The following SLIT3 variants were observed in gnomAD, a reference collection of about 807,000 sequenced individuals.
SLIT3 encodes slit guidance ligand 3, also known as slit homolog 3 protein.
A neutral mutation model predicts 184.0 loss-of-function variants in SLIT3; 68 were observed. The ratio of observed to expected loss-of-function variants is 0.37; its 90% CI spans 0.30 to 0.45. SLIT3 has a LOEUF of 0.45. Ranked by LOEUF, SLIT3 falls within the 20% of genes least tolerant of loss-of-function variation. The pLI, the probability that SLIT3 is intolerant of heterozygous loss-of-function variation, is 1.00. For synonymous variants in SLIT3, 831 were observed against 828.6 expected (o/e 1.00, Z -0.05); for missense variants, 1,707 against 2,026.0 (o/e 0.84, Z 3.02).
intron 4 of SLIT3, among the ~76,000 whole-genome samples, chr5:168,961,666 G>A (rs957943423): frequency 2.0e-5 from 3 of 152,158 alleles, no homozygotes; most frequent in African/African-American, 7.2e-5. Flanking sequence ...ATGTGCAAAG[G>A]CTCTGTGGTG....
At chr5:168,862,688 T>C (rs1253662298) in intron 5 of SLIT3, among the ~76,000 whole-genome samples, 2 of 151,570 alleles carry the variant, frequency 1.3e-5, no homozygotes, top group South Asian at 4.1e-4. Context: ...GTTTTTTTTT[T>C]TGTGAGATGG....
In SLIT3 at chr5:169,295,241, A is replaced by G. The variant is rs1356120220; in HGVS notation, c.197+5272T>C. 2.0e-5 allele frequency among the ~76,000 whole-genome samples: 3 copies of G among 152,360 alleles called. No individual in the cohort carries two copies. In the East Asian group the frequency reaches 5.8e-4, roughly 29 times the overall value. ...TCTATGTTGTCCACTGTTGACCAGA[A>G]TGTCATTTTAGGTAACACATGACTG... On this transcript the variant is annotated intron_variant, in intron 1 of 35. Coordinates refer to ENST00000519560, the MANE Select transcript of SLIT3 (RefSeq NM_003062.4).
intron 1 of SLIT3, among the ~76,000 whole-genome samples, chr5:169,255,018 G>A (rs945393268): frequency 2.0e-5 from 3 of 152,122 alleles, no homozygotes; most frequent in African/African-American, 7.2e-5. Flanking sequence ...AGATCATAAC[G>A]GAGCTGAAAA....
chr5:168,682,418 T>C (rs1219273486), intron 32 of SLIT3, among the ~76,000 whole-genome samples: 1 of 152,226 alleles, frequency 6.6e-6, no homozygotes, highest in East Asian at 1.9e-4. Flanking sequence ...CCTGGAAGGA[T>C]CTCTGAAGCA....
At chr5:169,062,113 G>A (rs1015822517) in intron 4 of SLIT3, among the ~76,000 whole-genome samples, 16 of 152,258 alleles carry the variant, frequency 1.1e-4, no homozygotes, top group African/African-American at 3.8e-4. Flanking sequence ...GAACCCAGGA[G>A]GCAGAGCTGG....
At chr5:169,051,512 C>A (rs1306126610) in intron 4 of SLIT3, among the ~76,000 whole-genome samples, 1 of 151,988 alleles carries the variant, frequency 6.6e-6, no homozygotes, top group Non-Finnish European at 1.5e-5. Flanking sequence ...TGTTCAGGGG[C>A]CCAGGATAAT....
At chr5:168,686,562 G>C (rs912594660) in intron 30 of SLIT3, among the ~76,000 whole-genome samples, 1 of 152,152 alleles carries the variant, frequency 6.6e-6, no homozygotes, top group Non-Finnish European at 1.5e-5. Flanking sequence ...TAGAATAGAG[G>C]TTACCACTGA....
chr5:168,754,053 G>A, intron 16 of SLIT3, 46 bp from the exon 17 acceptor site: 1 of 1,522,798 alleles, frequency 6.6e-7, no homozygotes, highest in Non-Finnish European at 8.8e-7. Context: ...GGAGCAGATG[G>A]TCTTGATGCC....
intron 1 of SLIT3, among the ~76,000 whole-genome samples, chr5:169,277,403 G>C (rs1766846354): frequency 6.6e-6 from 1 of 152,014 alleles, no homozygotes; most frequent in South Asian, 2.1e-4. Flanking sequence ...GCTAAGTTTT[G>C]TATTTTTTTA....
chr5:168,828,817 AT>A (rs1757788806), intron 6 of SLIT3, among the ~76,000 whole-genome samples: 2 of 152,202 alleles, frequency 1.3e-5, no homozygotes, highest in African/African-American at 4.8e-5. Flanking sequence ...GAGGAGTCTC[AT>A]GCAAGTTCGT....
chr5:168,752,186 C>A (rs1754740520), intron 18 of SLIT3, among the ~76,000 whole-genome samples: 1 of 152,314 alleles, frequency 6.6e-6, no homozygotes, highest in South Asian at 2.1e-4. Flanking sequence ...TTCAGCCTTG[C>A]CTTATGTCAT....
intron 32 of SLIT3, among the ~76,000 whole-genome samples, chr5:168,678,178 T>C (rs1050159256): frequency 6.6e-6 from 1 of 152,198 alleles, no homozygotes; most frequent in Non-Finnish European, 1.5e-5. Flanking sequence ...GGTCGCCTCT[T>C]CCTGGCAACT....
At chr5:168,752,387 G>C (rs77933568) in intron 18 of SLIT3, 2 of 124,134 alleles carry the variant, frequency 1.6e-5, no homozygotes, top group Non-Finnish European at 3.1e-5. Flanking sequence ...CAAAGCCCCT[G>C]GTTTTTTTTT....
chr5:169,154,828 C>A (rs1464225138), intron 4 of SLIT3, among the ~76,000 whole-genome samples: 1 of 152,176 alleles, frequency 6.6e-6, no homozygotes. Flanking sequence ...AAACTGAGAA[C>A]AAGGATCAAA....
At chr5:169,163,416 G>C (rs916314292) in intron 4 of SLIT3, among the ~76,000 whole-genome samples, 1 of 152,164 alleles carries the variant, frequency 6.6e-6, no homozygotes, top group Admixed American at 6.5e-5. Flanking sequence ...AGCCCAGGTT[G>C]AACTGGGAAA....
intron 4 of SLIT3, among the ~76,000 whole-genome samples, chr5:168,913,843 C>T (rs182338603): frequency 2.6e-5 from 4 of 152,128 alleles, no homozygotes; most frequent in African/African-American, 7.2e-5. Flanking sequence ...CTGGTCTCTT[C>T]CTCTAAAGAG....
At chr5:168,723,061 C>T in intron 21 of SLIT3, 57 bp from the exon 22 acceptor site, 2 of 1,297,898 alleles carry the variant, frequency 1.5e-6, no homozygotes, top group Non-Finnish European at 2.2e-6. Context: ...CTGTAGGAGG[C>T]CATTCCCAAG....
intron 1 of SLIT3, among the ~76,000 whole-genome samples, chr5:169,265,504 A>C (rs1766363027): frequency 6.6e-6 from 1 of 152,210 alleles, no homozygotes; most frequent in Non-Finnish European, 1.5e-5. Flanking sequence ...TTACCTGCTT[A>C]ATCTTTTTTC....
chr5:168,821,552 T>C (rs908021963), intron 7 of SLIT3, among the ~76,000 whole-genome samples: 1 of 152,354 alleles, frequency 6.6e-6, no homozygotes, highest in Admixed American at 6.5e-5. Flanking sequence ...ATTCCATTAC[T>C]GCACTACCCT....
Sources: allele counts gnomAD v4.1 joint callset (sites outside exome capture counted in the v4.1 genomes callset), GRCh38; gene constraint gnomAD v4.1.1; transcripts MANE v1.5; gene names NCBI Gene and HGNC (gene_info 2026-07-23, HGNC 2026-07-21).